Variants in DTNBP1 observed in about 807,000 individuals in gnomAD.
DTNBP1 encodes dystrobrevin binding protein 1.
A neutral mutation model predicts 42.8 loss-of-function variants in DTNBP1; 35 were observed. The ratio of observed to expected loss-of-function variants is 0.82; its 90% confidence interval spans 0.63 to 1.09. DTNBP1 has a LOEUF of 1.09. DTNBP1 is among the 50% of genes least tolerant of loss of function. The pLI is 0.00. For synonymous variants in DTNBP1, 171 were observed against 162.2 expected, an observed-to-expected ratio of 1.05 and a Z score of -0.41; for missense variants, 457 against 424.2, an observed-to-expected ratio of 1.08 and a Z score of -0.68.
chr6:15,647,724 T>C (rs1301565822), intron 3 of DTNBP1, among the ~76,000 whole-genome samples: 1 of 151,700 alleles, frequency 6.6e-6, no homozygotes. Context: ...ACACAAAACA[T>C]ACCAAGACTG....
intron 7 of DTNBP1, among the ~76,000 whole-genome samples, chr6:15,539,016 C>T (rs1366353066): frequency 2.0e-5 from 3 of 152,190 alleles, no homozygotes; most frequent in Non-Finnish European, 4.4e-5. Context: ...CCCAGCACCA[C>T]ACTCTCAACT....
intron 9 of DTNBP1, 74 bp from the exon 10 acceptor site, chr6:15,523,293 G>A (rs1772047590): frequency 1.3e-6 from 2 of 1,586,486 alleles, no homozygotes; most frequent in Non-Finnish European, 1.7e-6. Flanking sequence ...CAACAGCTGT[G>A]GAATGTGCCC....
At chr6:15,590,517 A>G (rs1776253235) in intron 7 of DTNBP1, among the ~76,000 whole-genome samples, 1 of 152,198 alleles carries the variant, frequency 6.6e-6, no homozygotes, top group African/African-American at 2.4e-5. Flanking sequence ...TTATGTCTTT[A>G]AAGACTATGA....
At chr6:15,586,723 C>T (rs1776094305) in intron 7 of DTNBP1, among the ~76,000 whole-genome samples, 1 of 152,134 alleles carries the variant, frequency 6.6e-6, no homozygotes, top group African/African-American at 2.4e-5. Context: ...CAATCCTCTG[C>T]CATCTGGTTT....
chr6:15,640,616 G>A (rs1268836676), intron 3 of DTNBP1, among the ~76,000 whole-genome samples: 2 of 152,184 alleles, frequency 1.3e-5, no homozygotes, highest in Non-Finnish European at 2.9e-5. Flanking sequence ...ATATAGGAAA[G>A]TAACTGTAGA....
chr6:15,637,371 A>C (rs978730479), intron 4 of DTNBP1, among the ~76,000 whole-genome samples: 1 of 152,228 alleles, frequency 6.6e-6, no homozygotes, highest in Non-Finnish European at 1.5e-5. Context: ...TTTTTTGACC[A>C]AATAATAAGG....
Position 15,626,481 on chromosome 6 carries a change from A to AT in DTNBP1, c.355+861dup, listed in dbSNP as rs575822307. Among the ~76,000 whole-genome samples the AT allele has an allele frequency of 3.3e-4, 51 of 152,318 alleles. No homozygotes were observed. The South Asian group carries it at 5.0e-3, about 15-fold the overall frequency. On this transcript the variant is annotated intron_variant, in intron 5 of 9. Transcript: ENST00000344537. ...TAAAAACAGGAGGAGATAATAGGGT[A>AT]TCTTTAGCTTCCCACCTAAAAGACT...
At chr6:15,551,168 T>C (rs1392951463) in intron 7 of DTNBP1, among the ~76,000 whole-genome samples, 1 of 148,520 alleles carries the variant, frequency 6.7e-6, no homozygotes, top group East Asian at 2.0e-4. Flanking sequence ...AAAAAAAAAA[T>C]GCAGCAGCTG....
At chr6:15,541,323 T>C (rs1426685583) in intron 7 of DTNBP1, among the ~76,000 whole-genome samples, 3 of 151,754 alleles carry the variant, frequency 2.0e-5, no homozygotes, top group Admixed American at 1.3e-4. Flanking sequence ...GGTGAAATGA[T>C]GGGAGGATAT....
rs530939276 is a variant in DTNBP1 at position 15,525,235 on chromosome 6, G to A, written c.668-566C>T. On this transcript the variant is annotated intron_variant, in intron 8 of 9. Coordinates refer to ENST00000344537, the MANE Select transcript of DTNBP1 (RefSeq NM_032122.5). ...AAAACCCAGCCCACCAGCAGACGGC[G>A]ACCCCATGAAACAGCACATGCCTAG... Among the ~76,000 whole-genome samples, 56 of 152,312 alleles carry A rather than the reference G, an allele frequency of 3.7e-4. No individual in the cohort carries two copies. The East Asian group carries it at 4.4e-3, about 12-fold the overall frequency.
chr6:15,640,930 C>T (rs1033281046), intron 3 of DTNBP1, among the ~76,000 whole-genome samples: 7 of 152,190 alleles, frequency 4.6e-5, no homozygotes, highest in African/African-American at 1.2e-4. Flanking sequence ...AGCTTGTACA[C>T]GGCTTATGAA....
intron 7 of DTNBP1, among the ~76,000 whole-genome samples, chr6:15,538,658 G>A (rs943294233): frequency 1.3e-5 from 2 of 152,162 alleles, no homozygotes; most frequent in African/African-American, 4.8e-5. Flanking sequence ...GACCAAATCT[G>A]GTTGACTGTA....
chr6:15,551,452 GGAA>G (rs1335891225), intron 7 of DTNBP1, among the ~76,000 whole-genome samples: 8 of 152,272 alleles, frequency 5.3e-5, no homozygotes, highest in South Asian at 2.1e-4. Flanking sequence ...TTCCAGCTGC[GGAA>G]GAAGGACACA....
At chr6:15,619,710 A>G (rs1200405873) in intron 5 of DTNBP1, among the ~76,000 whole-genome samples, 1 of 152,144 alleles carries the variant, frequency 6.6e-6, no homozygotes, top group African/African-American at 2.4e-5. Context: ...TTTATTTTTA[A>G]TTAATCTTTG....
chr6:15,533,468 C>T, intron 7 of DTNBP1, 73 bp from the exon 8 acceptor site: 22 of 1,610,638 alleles, frequency 1.4e-5, no homozygotes, highest in Non-Finnish European at 1.7e-5. Context: ...AACAGCTGCT[C>T]GCATCCACCC....
chr6:15,546,944 G>C (rs1282458226), intron 7 of DTNBP1, among the ~76,000 whole-genome samples: 4 of 65,334 alleles, frequency 6.1e-5, no homozygotes, highest in African/African-American at 2.4e-4. Context: ...TTTTTTTTTT[G>C]GTAAGACTAA....
chr6:15,659,314 C>T (rs1032220929), intron 1 of DTNBP1, among the ~76,000 whole-genome samples: 6 of 152,162 alleles, frequency 3.9e-5, no homozygotes, highest in Non-Finnish European at 7.4e-5. Flanking sequence ...TGGGCGACAG[C>T]GGGAGCTGCA....
At chr6:15,638,837 ACT>A (rs1491384928) in intron 3 of DTNBP1, among the ~76,000 whole-genome samples, 1 of 110,278 alleles carries the variant, frequency 9.1e-6, no homozygotes, top group Non-Finnish European at 1.8e-5. Context: ...ATTGGCCAGT[ACT>A]TTTTTTTTTT....
intron 7 of DTNBP1, among the ~76,000 whole-genome samples, chr6:15,584,898 T>C (rs556335592): frequency 1.3e-5 from 2 of 148,760 alleles, no homozygotes; most frequent in Admixed American, 1.3e-4. Flanking sequence ...CAACAAAAAA[T>C]GCACAGTTAA....
Sources: allele counts gnomAD v4.1 joint callset (sites outside exome capture counted in the v4.1 genomes callset), GRCh38; gene constraint gnomAD v4.1.1; transcripts MANE v1.5; gene names NCBI Gene and HGNC (gene_info 2026-07-23, HGNC 2026-07-21).